Variants in MYT1 observed in about 807,000 individuals in gnomAD.
MYT1 encodes the protein myelin transcription factor I.
MYT1 carries 23 observed loss-of-function variants against 123.0 expected under a neutral mutation model. The ratio of observed to expected loss-of-function variants is 0.19; its 90% CI spans 0.13 to 0.26. The LOEUF (loss-of-function observed/expected upper bound fraction) is 0.26. Among genes scored for constraint, MYT1 ranks in the 10% least tolerant of loss-of-function variants. The pLI, the probability that MYT1 is intolerant of heterozygous loss-of-function variation, is 1.00. For synonymous variants in MYT1, 518 were observed against 575.3 expected (o/e 0.90, Z 1.43); for missense variants, 1,125 against 1,472.5 (o/e 0.76, Z 3.86).
chr20:64,199,972 C>T, intron 4 of MYT1, 50 bp downstream of exon 4: 2 of 1,601,662 alleles, frequency 1.2e-6, no homozygotes, highest in Non-Finnish European at 1.7e-6. Context: ...TGCCTGTGAC[C>T]CTGGAGATAT....
intron 4 of MYT1, among the ~76,000 whole-genome samples, chr20:64,200,664 G>A (rs1386715059): frequency 2.0e-5 from 3 of 152,222 alleles, no homozygotes; most frequent in Admixed American, 2.0e-4. Flanking sequence ...ACACATCACA[G>A]TCTTGATCTC....
In MYT1 at chr20:64,189,498, G is replaced by C. The variant is rs558339099; in HGVS notation, c.-98-565G>C. 6.6e-6 allele frequency among the ~76,000 whole-genome samples: 1 copy of C among 152,320 alleles called. No homozygotes were observed. The highest frequency in any genetic ancestry group is 2.4e-5 in the African/African-American group (1 of 41,564). On this transcript the variant is annotated intron_variant, in intron 1 of 22. Coordinates refer to ENST00000328439, the MANE Select transcript of MYT1 (RefSeq NM_004535.3). This position sits in a 1 kb window ranked among gnomAD's most constrained non-coding sequence, Gnocchi z 5.5. ...GGGTGACAAAAGATGCTGGAAACCAGGGCAAAGAGCATGCTGGGGCCCCCG... is the reference window on the plus strand; with the variant it reads ...GGGTGACAAAAGATGCTGGAAACCACGGCAAAGAGCATGCTGGGGCCCCCG...
At chr20:64,200,569 A>C (rs1983264626) in intron 4 of MYT1, among the ~76,000 whole-genome samples, 1 of 152,182 alleles carries the variant, frequency 6.6e-6, no homozygotes, top group Admixed American at 6.5e-5. Flanking sequence ...TCCCTCTGAC[A>C]CTTGAGGCCC....
At chr20:64,214,808 C>T (rs1003106062) in intron 10 of MYT1, among the ~76,000 whole-genome samples, 1 of 152,246 alleles carries the variant, frequency 6.6e-6, no homozygotes, top group African/African-American at 2.4e-5. Context: ...CGCCTCCTTT[C>T]GGGGCCCACC....
In MYT1 at chr20:64,196,195, A is replaced by G. The variant is rs534767713; in HGVS notation, c.1-2667A>G. On this transcript the variant is annotated intron_variant, in intron 2 of 22. Coordinates refer to ENST00000328439, the MANE Select transcript of MYT1 (RefSeq NM_004535.3). The surrounding 1 kb of genome is among the most constrained non-coding windows in gnomAD (Gnocchi z 4.3). Reference sequence around the variant, plus strand: ...TTTTAAAAATCAATGAAAAATTGAGAAGTGTTTAATTTTCTTTGCATCATT... The same window carrying G: ...TTTTAAAAATCAATGAAAAATTGAGGAGTGTTTAATTTTCTTTGCATCATT... Among the ~76,000 whole-genome samples the G allele has an allele frequency of 2.8e-4, 42 of 152,164 alleles. No individual in the cohort carries two copies. The highest frequency in any genetic ancestry group is 9.6e-4 in the African/African-American group (40 of 41,512).
chr20:64,183,675 C>T (rs532513503), intron 1 of MYT1, among the ~76,000 whole-genome samples: 8 of 152,242 alleles, frequency 5.3e-5, no homozygotes, highest in African/African-American at 1.9e-4. Flanking sequence ...CTGTTCAAGT[C>T]CTCTGCTCAT....
chr20:64,212,015 C>T lies in MYT1; in HGVS notation c.1427-33C>T, dbSNP rs367718545. The T allele has an allele frequency of 2.0e-5, 31 of 1,578,708 alleles. No homozygotes were observed. In the African/African-American group the frequency reaches 3.4e-4, roughly 17 times the overall value. On this transcript the variant is annotated intron_variant, in intron 8 of 22. Transcript: ENST00000328439. The surrounding 1 kb of genome is among the most constrained non-coding windows in gnomAD (Gnocchi z 6.8). ...TGGCGCTCCCCAGATTCTCTGACAG[C>T]CTCGGCTCCCTCCACCCCCTGTTCT... is the stretch of plus-strand genomic sequence containing the variant.
chr20:64,201,970 TGTCGGGAACCCCCGC>T (rs1568708169), intron 4 of MYT1, among the ~76,000 whole-genome samples: 27 of 149,468 alleles, frequency 1.8e-4, no homozygotes, highest in East Asian at 5.9e-4. Flanking sequence ...AACCCCCGCG[TGTCGGGAACCCCCGC>T]GTGTCGGGAA....
intron 19 of MYT1, among the ~76,000 whole-genome samples, chr20:64,234,532 C>A (rs1338949393): frequency 6.6e-6 from 1 of 152,192 alleles, no homozygotes; most frequent in Non-Finnish European, 1.5e-5. Context: ...ATAGGGAGGC[C>A]CTCCAGGTCA....
intron 7 of MYT1, among the ~76,000 whole-genome samples, chr20:64,210,012 G>A (rs1983619372): frequency 6.6e-6 from 1 of 152,124 alleles, no homozygotes; most frequent in African/African-American, 2.4e-5. Flanking sequence ...CTTAGGGACA[G>A]GTGTCAAGGG....
Position 64,190,828 on chromosome 20 carries a change from G to C in MYT1, c.-1+668G>C, listed in dbSNP as rs572461694. Among the ~76,000 whole-genome samples, 248 of 152,228 alleles carry C rather than the reference G, an allele frequency of 1.6e-3. 1 individual carries two copies. Among genetic ancestry groups the C allele is most frequent in the Non-Finnish European group, 2.8e-3 (192 of 68,020 alleles). The stretch of plus-strand genomic sequence containing the variant: ...TACTAAAAACACAAAAATTAGCCGG[G>C]CATGGTGGCATGCGCCTGTAATCCC... On this transcript the variant is annotated intron_variant, in intron 2 of 22. Coordinates refer to ENST00000328439, the MANE Select transcript of MYT1 (RefSeq NM_004535.3). The surrounding 1 kb of genome is among the most constrained non-coding windows in gnomAD (Gnocchi z 4.1).
chr20:64,166,447 C>G lies in MYT1; in HGVS notation c.-99+1708C>G, dbSNP rs1201458963. Among the ~76,000 whole-genome samples the G allele has an allele frequency of 2.6e-5, 4 of 152,140 alleles. No homozygotes were observed. Among genetic ancestry groups the G allele is most frequent in the Admixed American group, 6.5e-5 (1 of 15,274 alleles). On this transcript the variant is annotated intron_variant, in intron 1 of 22. Transcript: ENST00000328439. The surrounding 1 kb of genome is among the most constrained non-coding windows in gnomAD (Gnocchi z 4.9). The stretch of plus-strand genomic sequence containing the variant: ...CTGATCCAGGAGCTTGAGCAGGAGC[C>G]ACAGAGAGTTGGACAAAGAGGCCTT...
chr20:64,181,989 TC>T (rs1982665536), intron 1 of MYT1, among the ~76,000 whole-genome samples: 1 of 152,096 alleles, frequency 6.6e-6, no homozygotes, highest in Non-Finnish European at 1.5e-5. Flanking sequence ...TGGGCTGTGG[TC>T]CCCCAGGAGT....
chr20:64,204,453 C>A (rs537554520), intron 4 of MYT1, among the ~76,000 whole-genome samples: 31 of 152,334 alleles, frequency 2.0e-4, no homozygotes, highest in African/African-American at 7.5e-4. Flanking sequence ...CTTCTTTTCC[C>A]TGCGTGGAAG....
In MYT1 at chr20:64,208,357, G is replaced by T. The variant is rs61746505; in HGVS notation, c.1161G>T (p.Leu387=). 10 of 1,613,920 alleles carry T rather than the reference G, an allele frequency of 6.2e-6. No individual in the cohort carries two copies. The East Asian group carries it at 6.7e-5, about 11-fold the overall frequency. Residue 387 remains leucine, a synonymous_variant, in exon 7 of 23, where the codon CTG becomes CTT. Transcript: ENST00000328439. This position sits in a 1 kb window ranked among gnomAD's most constrained non-coding sequence, Gnocchi z 5.4. The part of the protein sequence containing the change: ...NLGLLEQAIA[L]KAEQVRTVCE... ...GCCTCCTGGAGCAGGCCATCGCCCT[G>T]AAGGCTGAACAGGTGCGCACAGTCT... is the stretch of plus-strand genomic sequence containing the variant.
rs1479899672 is a variant in MYT1, at chr20:64,168,217, C to T, written c.-99+3478C>T. 3.3e-5 allele frequency among the ~76,000 whole-genome samples: 5 copies of T among 152,224 alleles called. No homozygotes were observed. In the East Asian group the frequency reaches 5.8e-4, roughly 18 times the overall value. ...AAATGTTTTTGATCTCAGGCTTCCA[C>T]GGAGCCAGCTTCAGAGAGAAGAGAT... is the stretch of plus-strand genomic sequence containing the variant. On this transcript the variant is annotated intron_variant, in intron 1 of 22. Coordinates refer to ENST00000328439, the MANE Select transcript of MYT1 (RefSeq NM_004535.3). The surrounding 1 kb of genome is among the most constrained non-coding windows in gnomAD (Gnocchi z 6.1).
At chr20:64,183,026 G>A (rs80220011) in intron 1 of MYT1, among the ~76,000 whole-genome samples, 9,455 of 152,252 alleles carry the variant, frequency 0.062, 384 homozygotes, top group African/African-American at 0.11. Flanking sequence ...CCCCATGCCC[G>A]TTCACAGTCG....
intron 18 of MYT1, among the ~76,000 whole-genome samples, chr20:64,230,996 G>T (rs1202304503): frequency 2.6e-5 from 4 of 152,174 alleles, no homozygotes; most frequent in African/African-American, 9.7e-5. Context: ...GGGCAGCGCA[G>T]CCCTGAGCCG....
chr20:64,240,421 G>A lies in MYT1; in HGVS notation c.3339G>A (p.Lys1113=). Residue 1113 remains lysine, a synonymous_variant, in exon 23 of 23, where the codon AAG becomes AAA. Transcript: ENST00000328439. ...PENKDLLESI[K]QAVRGIQV ...ACAAGGACCTCCTGGAGAGCATCAA[G>A]CAGGCTGTGAGGGGCATCCAGGTCT... is the stretch of plus-strand genomic sequence containing the variant. 1 of 1,613,690 alleles carries A rather than the reference G, an allele frequency of 6.2e-7. No individual in the cohort carries two copies. The highest frequency in any genetic ancestry group is 8.5e-7 in the Non-Finnish European group (1 of 1,179,936).
Sources: gnomAD v4.1 joint callset for allele counts (sites outside exome capture counted in the v4.1 genomes callset) on GRCh38, gnomAD v4.1.1 for gene constraint, Gnocchi (gnomAD v3.1) non-coding constraint, MANE v1.5 for transcripts, NCBI Gene and HGNC (gene_info 2026-07-23, HGNC 2026-07-21) for gene names.